The following ABCA10 variants were observed in gnomAD, a reference collection of about 807,000 sequenced individuals.
The protein encoded by ABCA10 is ATP-binding cassette sub-family A member 10.
A neutral mutation model predicts 187.5 loss-of-function variants in ABCA10; 169 were observed. The observed-to-expected ratio is 0.90, with a 90% CI of 0.80 to 1.02. The LOEUF is 1.02. ABCA10 is among the 50% of genes least tolerant of loss of function. The pLI is 0.00. For missense variants in ABCA10, 1,727 were observed against 1,812.4 expected (o/e 0.95, Z 0.86); for synonymous variants, 574 against 601.8 (o/e 0.95, Z 0.68).
chr17:69,200,957 C>A (rs1368855972), intron 10 of ABCA10, among the ~76,000 whole-genome samples: 1 of 152,196 alleles, frequency 6.6e-6, no homozygotes, highest in Non-Finnish European at 1.5e-5. Flanking sequence ...AAGTGATCTG[C>A]CCATCTGAGC....
At chr17:69,227,066 A>C (rs959328543) in intron 2 of ABCA10, 79 bp downstream of exon 2, 4 of 150,494 alleles carry the variant, frequency 2.7e-5, no homozygotes, top group African/African-American at 9.7e-5. Flanking sequence ...AAGAAAAGTA[A>C]TAAAAATGGC....
intron 1 of ABCA10, among the ~76,000 whole-genome samples, chr17:69,235,465 T>C (rs996749790): frequency 2.0e-5 from 3 of 152,182 alleles, no homozygotes; most frequent in Non-Finnish European, 4.4e-5. Flanking sequence ...TATTACTGCC[T>C]CACCATTTCT....
chr17:69,188,842 C>T (rs1355587964), intron 18 of ABCA10, among the ~76,000 whole-genome samples: 1 of 152,076 alleles, frequency 6.6e-6, no homozygotes, highest in African/African-American at 2.4e-5. Flanking sequence ...CCAGCTTACT[C>T]CATGTTGCTG....
At chr17:69,185,844 T>G (rs1318368778) in intron 19 of ABCA10, among the ~76,000 whole-genome samples, 1 of 152,144 alleles carries the variant, frequency 6.6e-6, no homozygotes, top group Non-Finnish European at 1.5e-5. Flanking sequence ...TGGAAGATAT[T>G]CAAGGGTAAC....
chr17:69,150,502 C>A (rs1005125063), intron 36 of ABCA10: 2 of 154,698 alleles, frequency 1.3e-5, no homozygotes, highest in African/African-American at 4.8e-5. Context: ...ACCTTCAGAC[C>A]CCCTTTCATG....
chr17:69,214,455 C>A (rs1381458889), intron 9 of ABCA10, among the ~76,000 whole-genome samples: 1 of 150,040 alleles, frequency 6.7e-6, no homozygotes, highest in Non-Finnish European at 1.5e-5. Context: ...GCGGAGCTTG[C>A]AGTGAGCCGA....
chr17:69,187,706 G>A lies in ABCA10; in HGVS notation c.2305C>T (p.Arg769Cys), dbSNP rs1388474248. 24 of 1,613,584 alleles carry A rather than the reference G, an allele frequency of 1.5e-5. No individual in the cohort carries two copies. The highest frequency in any genetic ancestry group is 1.7e-4 in the Middle Eastern group (1 of 6,060). Reference sequence around the variant, plus strand: ...AAACACAAAAGAGCTCTCCTTTCACGCCTTAACTTTAAGAAGCGAAGTGTT... The same window carrying A: ...AAACACAAAAGAGCTCTCCTTTCACACCTTAACTTTAAGAAGCGAAGTGTT... ...VATLRFLKLR[R>C]ERRALLCLLL... The change falls in exon 19 of 39, where the codon CGT becomes TGT. Residue 769 changes from arginine to cysteine, a missense_variant. By Grantham distance (180) the Arg-to-Cys change is radical. Coordinates refer to ENST00000690296, the MANE Select transcript of ABCA10 (RefSeq NM_001377321.1).
intron 2 of ABCA10, 48 bp from the exon 3 acceptor site, chr17:69,225,577 C>A (rs1199720960): frequency 3.6e-5 from 16 of 444,794 alleles, no homozygotes; most frequent in Non-Finnish European, 6.0e-5. Flanking sequence ...GTGGTCCAGA[C>A]CAGTGAGAAA....
At chr17:69,200,364 A>T (rs1411610724) in intron 10 of ABCA10, among the ~76,000 whole-genome samples, 1 of 152,236 alleles carries the variant, frequency 6.6e-6, no homozygotes, top group Non-Finnish European at 1.5e-5. Context: ...GATTCAAACC[A>T]GTTGGTTTAA....
intron 1 of ABCA10, among the ~76,000 whole-genome samples, chr17:69,241,595 CA>C (rs2074903715): frequency 6.6e-6 from 1 of 152,140 alleles, no homozygotes; most frequent in Non-Finnish European, 1.5e-5. Context: ...TCAAATATGC[CA>C]CTCACACCTT....
rs1484070630 is a variant in ABCA10 at position 69,191,049 on chromosome 17, A to G, written c.2011+127T>C. 18 of 967,562 alleles carry G rather than the reference A, an allele frequency of 1.9e-5. 1 individual carries two copies. Among genetic ancestry groups the G allele is most frequent in the Non-Finnish European group, 2.4e-5 (18 of 738,798 alleles). The allele number at this position is 967,562 out of a possible 1,614,324, so 59.9% of individuals were successfully genotyped here. On this transcript the variant is annotated intron_variant, in intron 17 of 38. Coordinates refer to ENST00000690296, the MANE Select transcript of ABCA10 (RefSeq NM_001377321.1). The stretch of plus-strand genomic sequence containing the variant: ...AGATCATCATATTGGAAATAGGAAC[A>G]GATTACTTATGAATAAATATTTTCA...
At position 69,150,007 on chromosome 17, in the gene ABCA10, C is replaced by T. The variant is rs1333573673; in HGVS notation, c.4454G>A (p.Arg1485Gln). The change falls in exon 37 of 39, where the codon CGG becomes CAG. Residue 1485 changes from arginine (R) to glutamine (Q), a missense_variant. Physicochemically the swap from Arg to Gln is conservative, Grantham distance 43. Coordinates refer to ENST00000690296, the MANE Select transcript of ABCA10 (RefSeq NM_001377321.1). Reference protein sequence around the residue: ...LPVEDVHPLSRAFFKLEAMKQ... With the variant: ...LPVEDVHPLSQAFFKLEAMKQ... ...ACTCGCCTCTAACTTGAAAAAGGCC[C>T]GAGATAGAGGGTGGACATCCTCCAC... The T allele has an allele frequency of 5.0e-6, 8 of 1,612,516 alleles. No individual in the cohort carries two copies. The highest frequency in any genetic ancestry group is 3.3e-5 in the South Asian group (3 of 90,908).
intron 18 of ABCA10, among the ~76,000 whole-genome samples, chr17:69,189,103 T>A (rs2144799013): frequency 6.6e-6 from 1 of 152,308 alleles, no homozygotes; most frequent in Non-Finnish European, 1.5e-5. Context: ...TTGAGAAATC[T>A]CTAGACTGCT....
chr17:69,185,614 G>A lies in ABCA10; in HGVS notation c.2360C>T (p.Pro787Leu), dbSNP rs774980463. Reference sequence around the variant, plus strand: ...ATACATTATCTTCTCTAGAATGATGGGGATAAAAGCAATTCCAAGTACTAG... The same window carrying A: ...ATACATTATCTTCTCTAGAATGATGAGGATAAAAGCAATTCCAAGTACTAG... ...LLLVLGIAFI[P>L]IILEKIMYKV... The change falls in exon 20 of 39, where the codon CCC (proline) becomes CTC (leucine). Residue 787 changes from proline to leucine, a missense_variant. Physicochemically the swap from Pro to Leu is moderately conservative, Grantham distance 98 (BLOSUM62 -3). Transcript: ENST00000690296. 3 of 1,610,942 alleles carry A rather than the reference G, an allele frequency of 1.9e-6. No homozygotes were observed. Among genetic ancestry groups the A allele is most frequent in the Admixed American group, 3.3e-5 (2 of 59,782 alleles).
intron 1 of ABCA10, among the ~76,000 whole-genome samples, chr17:69,236,632 T>G (rs1378420105): frequency 1.3e-5 from 2 of 152,170 alleles, no homozygotes; most frequent in African/African-American, 4.8e-5. Flanking sequence ...TAAAACAAAC[T>G]TTTCCACTGA....
In ABCA10 at chr17:69,149,100, G is replaced by T; in HGVS notation, c.4478-12C>A. 8.1e-6 allele frequency: 13 copies of T among 1,613,514 alleles called. No homozygotes were observed. Among genetic ancestry groups the T allele is most frequent in the Non-Finnish European group, 1.1e-5 (13 of 1,179,580 alleles). On this transcript the variant is annotated splice_polypyrimidine_tract_variant and intron_variant, in intron 37 of 38. Transcript: ENST00000690296. ...GAAGGTCTGTTTCACTGCATGTAAA[G>T]AGACTGACATTAGTGGCTTATATAT...
intron 22 of ABCA10, among the ~76,000 whole-genome samples, chr17:69,176,096 G>A (rs753015696): frequency 6.6e-6 from 1 of 152,164 alleles, no homozygotes; most frequent in Non-Finnish European, 1.5e-5. Context: ...ATTGTACTTA[G>A]AGGGCATGAG....
chr17:69,201,536 G>A lies in ABCA10; in HGVS notation c.1139C>T (p.Pro380Leu), dbSNP rs754390363. 1.4e-5 allele frequency: 23 copies of A among 1,604,030 alleles called. No individual in the cohort carries two copies. The highest frequency in any genetic ancestry group is 9.0e-5 in the East Asian group (4 of 44,448). ...PEHSSDDSFEPVSPEFHGKEA... is the reference protein window; with the variant it reads ...PEHSSDDSFELVSPEFHGKEA... The stretch of plus-strand genomic sequence containing the variant: ...TTTTCCATGGAATTCTGGAGACACC[G>A]GTTCAAAAGAATCATCAGAGGAATG... The change falls in exon 10 of 39, where the codon CCG becomes CTG. Residue 380 changes from proline to leucine, a missense_variant. Pro to Leu is a moderately conservative substitution (Grantham distance 98). Transcript: ENST00000690296.
chr17:69,217,353 G>T (rs1414254913), intron 6 of ABCA10, among the ~76,000 whole-genome samples: 3 of 152,096 alleles, frequency 2.0e-5, no homozygotes, highest in Non-Finnish European at 4.4e-5. Context: ...TCTGGAAGTA[G>T]ATGGAAAGGT....
Sources: gnomAD v4.1 joint callset for allele counts (sites outside exome capture counted in the v4.1 genomes callset) on GRCh38, gnomAD v4.1.1 for gene constraint, MANE v1.5 for transcripts, NCBI Gene and HGNC (gene_info 2026-07-23, HGNC 2026-07-21) for gene names.